SPRTN: variants seen among roughly 807,000 people sequenced by gnomAD.
SPRTN encodes SprT-like N-terminal domain.
SPRTN carries 11 observed loss-of-function variants against 31.9 expected under a neutral mutation model. The observed-to-expected ratio is 0.34, with a 90% confidence interval of 0.22 to 0.57. The LOEUF (loss-of-function observed/expected upper bound fraction) is 0.57. SPRTN is among the 20% of genes least tolerant of loss of function. SPRTN has a pLI of 0.86. For synonymous variants in SPRTN, 185 were observed against 212.1 expected (o/e 0.87, Z 1.11); for missense variants, 482 against 590.1 (o/e 0.82, Z 1.90).
At chr1:231,350,122 A>G (rs1488261846) in intron 3 of SPRTN, among the ~76,000 whole-genome samples, 1 of 152,142 alleles carries the variant, frequency 6.6e-6, no homozygotes, top group African/African-American at 2.4e-5. Context: ...CTTAAAACCT[A>G]TGTCCTTCAG....
chr1:231,353,792 TACTG>T lies in SPRTN; in HGVS notation c.*434_*437del. 1.0e-6 allele frequency: 1 copy of T among 980,732 alleles called. No individual in the cohort carries two copies. Among genetic ancestry groups the T allele is most frequent in the Non-Finnish European group, 1.2e-6 (1 of 825,382 alleles). 60.8% of individuals were successfully genotyped at this position (980,732 alleles called of 1,614,324 possible). ...ATGTAAATCTTCATAGTGTCAGACA[TACTG>T]ACCAAAACCACAATCTAGACTACAA... On this transcript the variant is annotated 3_prime_UTR_variant, in exon 5 of 5. Transcript: ENST00000295050.
intron 1 of SPRTN, 47 bp downstream of exon 1, chr1:231,338,651 C>T (rs749184666): frequency 1.6e-5 from 26 of 1,605,936 alleles, no homozygotes; most frequent in Non-Finnish European, 1.9e-5. Flanking sequence ...TGGCAGCTTT[C>T]CTGCAGCCCC....
In SPRTN at chr1:231,354,429, A is replaced by G; in HGVS notation, c.*1068A>G. The G allele has an allele frequency of 1.0e-6, 1 of 971,996 alleles. No homozygotes were observed. Among genetic ancestry groups the G allele is most frequent in the Non-Finnish European group, 1.2e-6 (1 of 817,722 alleles). The allele number at this position is 971,996 out of a possible 1,614,324, so 60.2% of individuals were successfully genotyped here. A position where few individuals can be genotyped will look rare whatever the true frequency, so the allele number is the denominator to read the frequency against. ...CACTTTGTTGTAATACAGGTGCACA[A>G]ATCTTAAGTGCACAGCTGGGTAAAC... On this transcript the variant is annotated 3_prime_UTR_variant, in exon 5 of 5. Coordinates refer to ENST00000295050, the MANE Select transcript of SPRTN (RefSeq NM_032018.7).
At position 231,339,850 on chromosome 1, in the gene SPRTN, A is replaced by G. The variant is rs1410434378; in HGVS notation, c.303A>G (p.Pro101=). 6.2e-6 allele frequency: 10 copies of G among 1,614,072 alleles called. No homozygotes were observed. The African/African-American group carries it at 1.1e-4, about 17-fold the overall frequency. Residue 101 remains proline, a synonymous_variant, in exon 2 of 5, where the codon CCA becomes CCG. Transcript: ENST00000295050. ...GCGAACCCCTTTTGAAGTTGAGGCC[A>G]AGAAAGGATCTTGTAGAGGTATTTT... ...RLSEPLLKLR[P]RKDLVETLLH... is the part of the protein sequence containing the mutation.
chr1:231,346,258 G>A lies in SPRTN; in HGVS notation c.322-1539G>A, dbSNP rs554337656. Among the ~76,000 whole-genome samples the A allele has an allele frequency of 9.0e-4, 124 of 138,538 alleles. 1 individual carries two copies. The highest frequency in any genetic ancestry group is 2.7e-3 in the African/African-American group (98 of 36,350). 90.9% of individuals were successfully genotyped at this position (138,538 alleles called of 152,430 possible). A position where few individuals can be genotyped will look rare whatever the true frequency, so the allele number is the denominator to read the frequency against. ...GGCTGGAGTGCAGTGGTGCATTCTC[G>A]GCTCACTGCAACCTCTGCCTCCCAG... On this transcript the variant is annotated intron_variant, in intron 2 of 4. Coordinates refer to ENST00000295050, the MANE Select transcript of SPRTN (RefSeq NM_032018.7).
intron 4 of SPRTN, chr1:231,352,274 A>G: frequency 5.8e-6 from 6 of 1,029,714 alleles, no homozygotes; most frequent in Non-Finnish European, 5.8e-6. Flanking sequence ...AGAAGGAAAG[A>G]TAAGAATGAG....
chr1:231,347,769 A>T lies in SPRTN; in HGVS notation c.322-28A>T, dbSNP rs751634081. 1.9e-6 allele frequency: 3 copies of T among 1,591,872 alleles called. No homozygotes were observed. In the East Asian group the frequency reaches 6.7e-5, roughly 36 times the overall value. ...TTTCCAAAGTGTCATACAGACTCTA[A>T]AACTAATTTGAATATTTTATGTTCC... On this transcript the variant is annotated intron_variant, in intron 2 of 4. Transcript: ENST00000295050.
In SPRTN at chr1:231,342,767, G is replaced by A. The variant is rs559841720; in HGVS notation, c.321+2899G>A. Reference sequence around the variant, plus strand: ...TATTTTTTTTTTGAGATGGAGTCTCGCTCTGTTGCCCAGGCTGGAGTACAG... The same window carrying A: ...TATTTTTTTTTTGAGATGGAGTCTCACTCTGTTGCCCAGGCTGGAGTACAG... On this transcript the variant is annotated intron_variant, in intron 2 of 4. Coordinates refer to ENST00000295050, the MANE Select transcript of SPRTN (RefSeq NM_032018.7). Among the ~76,000 whole-genome samples, 12 of 145,396 alleles carry A rather than the reference G, an allele frequency of 8.3e-5. No homozygotes were observed. The East Asian group carries it at 1.2e-3, about 15-fold the overall frequency.
At chr1:231,346,178 CTTTTCTTTTTTTTT>C (rs1687054825) in intron 2 of SPRTN, among the ~76,000 whole-genome samples, 1 of 75,230 alleles carries the variant, frequency 1.3e-5, no homozygotes, top group Non-Finnish European at 3.1e-5. Flanking sequence ...TTTTTCTTTT[CTTTTCTTTTTTTTT>C]TTTTTTTTTT....
Position 231,353,143 on chromosome 1 carries a change from G to T in SPRTN, c.1252G>T (p.Asp418Tyr). 1 of 1,611,788 alleles carries T rather than the reference G, an allele frequency of 6.2e-7. No homozygotes were observed. Among genetic ancestry groups the T allele is most frequent in the South Asian group, 1.1e-5 (1 of 90,580 alleles). Residue 418 changes from aspartate to tyrosine, a missense_variant, in exon 5 of 5, where the codon GAC (aspartate) becomes TAC (tyrosine). Physicochemically the swap from Asp to Tyr is radical, Grantham distance 160. Transcript: ENST00000295050. ...RPRLEDKTVF[D>Y]NFFIKKEQIK... ...TAGGCTAGAAGATAAGACTGTTTTT[G>T]ACAATTTTTTTATCAAGAAAGAGCA... is the stretch of plus-strand genomic sequence containing the variant.
chr1:231,343,231 G>A (rs1460537955), intron 2 of SPRTN, among the ~76,000 whole-genome samples: 1 of 151,522 alleles, frequency 6.6e-6, no homozygotes, highest in Non-Finnish European at 1.5e-5. Flanking sequence ...TATAGCCTAG[G>A]TATATATACT....
rs1687322925 is a variant in SPRTN at position 231,354,136 on chromosome 1, A to G, written c.*775A>G. ...AGTAACTGATACATATAACATAAACATAACAAAGTTGCCTAGTTGATGTAA... is the reference window on the plus strand; with the variant it reads ...AGTAACTGATACATATAACATAAACGTAACAAAGTTGCCTAGTTGATGTAA... On this transcript the variant is annotated 3_prime_UTR_variant, in exon 5 of 5. Transcript: ENST00000295050. The G allele has an allele frequency of 1.0e-6, 1 of 985,340 alleles. No homozygotes were observed. The highest frequency in any genetic ancestry group is 1.2e-6 in the Non-Finnish European group (1 of 829,834). The allele number at this position is 985,340 out of a possible 1,614,324, so 61.0% of individuals were successfully genotyped here.
intron 2 of SPRTN, among the ~76,000 whole-genome samples, chr1:231,344,342 A>C (rs1686986943): frequency 6.6e-6 from 1 of 152,132 alleles, no homozygotes; most frequent in East Asian, 1.9e-4. Flanking sequence ...TGTCTCTACA[A>C]AAAATTGAAA....
rs751005143 is a variant in SPRTN at position 231,351,321 on chromosome 1, C to T, written c.468C>T (p.His156=). Residue 156 remains histidine (H), a synonymous_variant, in exon 4 of 5, where the codon CAC becomes CAT. Coordinates refer to ENST00000295050, the MANE Select transcript of SPRTN (RefSeq NM_032018.7). ...GANITVYHTF[H]DEVDEYRRHW... ...CCACTCAGGTATACCATACTTTTCA[C>T]GATGAGGTGGATGAGTATCGGCGAC... is the stretch of plus-strand genomic sequence containing the variant. 1.2e-5 allele frequency: 19 copies of T among 1,605,228 alleles called. No individual in the cohort carries two copies. In the South Asian group the frequency reaches 1.8e-4, roughly 15 times the overall value.
intron 4 of SPRTN, chr1:231,352,330 A>C: frequency 9.0e-7 from 1 of 1,116,768 alleles, no homozygotes; most frequent in Non-Finnish European, 1.1e-6. Context: ...GACACTAAGC[A>C]ATTTTCAAGG....
chr1:231,344,405 G>A lies in SPRTN; in HGVS notation c.322-3392G>A, dbSNP rs1484990215. Among the ~76,000 whole-genome samples, 3 of 152,268 alleles carry A rather than the reference G, an allele frequency of 2.0e-5. No individual in the cohort carries two copies. The East Asian group carries it at 5.8e-4, about 29-fold the overall frequency. On this transcript the variant is annotated intron_variant, in intron 2 of 4. Transcript: ENST00000295050. ...GCCTGTAATCCCAGCTGCTCAGGAG[G>A]ATGAGATAGAGGGATCCCTTGATGC...
chr1:231,346,596 T>C (rs985697390), intron 2 of SPRTN, among the ~76,000 whole-genome samples: 1 of 152,168 alleles, frequency 6.6e-6, no homozygotes, highest in African/African-American at 2.4e-5. Context: ...ATAAGAGTTA[T>C]ACATATATTT....
chr1:231,352,529 T>C (rs1237026366), intron 4 of SPRTN, 81 bp from the exon 5 acceptor site: 2 of 1,504,532 alleles, frequency 1.3e-6, no homozygotes, highest in East Asian at 2.3e-5. Flanking sequence ...TTGAGAAAAC[T>C]GTACATTAGT....
chr1:231,351,774 A>G (rs1687245963), intron 4 of SPRTN: 2 of 1,217,564 alleles, frequency 1.6e-6, no homozygotes, highest in Admixed American at 4.2e-5. Context: ...AGAAGTAAGT[A>G]AAAGTAGGAA....
Sources: gnomAD v4.1 joint callset for allele counts (sites outside exome capture counted in the v4.1 genomes callset) on GRCh38, gnomAD v4.1.1 for gene constraint, MANE v1.5 for transcripts, NCBI Gene and HGNC (gene_info 2026-07-23, HGNC 2026-07-21) for gene names.